KCNIP4: variants seen among roughly 807,000 people sequenced by gnomAD.
The protein encoded by KCNIP4 is potassium voltage-gated channel interacting protein 4.
A neutral mutation model predicts 34.0 loss-of-function variants in KCNIP4; 12 were observed. The ratio of observed to expected loss-of-function variants is 0.35; its 90% CI spans 0.23 to 0.57. KCNIP4 has a LOEUF of 0.57. Among genes scored for constraint, KCNIP4 ranks in the 20% least tolerant of loss-of-function variants. The pLI is 0.83. For missense variants in KCNIP4, 238 were observed against 311.7 expected (o/e 0.76, Z 1.78); for synonymous variants, 124 against 102.2 (o/e 1.21, Z -1.29).
intron 3 of KCNIP4, among the ~76,000 whole-genome samples, chr4:20,849,136 T>C (rs1720728546): frequency 6.6e-6 from 1 of 152,182 alleles, no homozygotes; most frequent in South Asian, 2.1e-4. Context: ...ATTGTCTTGA[T>C]ATATTACCTA....
At chr4:21,732,448 C>T (rs751814415) in intron 1 of KCNIP4, among the ~76,000 whole-genome samples, 7 of 152,130 alleles carry the variant, frequency 4.6e-5, no homozygotes, top group Non-Finnish European at 7.4e-5. Context: ...CTATTGTGTT[C>T]TTTCTGGCTA....
At chr4:21,794,864 G>A (rs1486713332) in intron 1 of KCNIP4, among the ~76,000 whole-genome samples, 1 of 152,106 alleles carries the variant, frequency 6.6e-6, no homozygotes, top group African/African-American at 2.4e-5. Flanking sequence ...GGGCAACAGA[G>A]GGAGACTGTC....
intron 1 of KCNIP4, among the ~76,000 whole-genome samples, chr4:21,133,352 A>G (rs536309414): frequency 6.6e-6 from 1 of 152,342 alleles, no homozygotes; most frequent in South Asian, 2.1e-4. Context: ...ATGTGCCAAG[A>G]ACTTAAAAGG....
At chr4:20,763,264 G>C (rs541493799) in intron 3 of KCNIP4, among the ~76,000 whole-genome samples, 13 of 152,112 alleles carry the variant, frequency 8.5e-5, no homozygotes, top group Non-Finnish European at 1.9e-4. Context: ...ACAGTATTTT[G>C]CTTTTTTGGA....
intron 1 of KCNIP4, among the ~76,000 whole-genome samples, chr4:21,784,422 GA>G (rs34837235): frequency 0.13 from 18,835 of 148,702 alleles, 3,513 homozygotes; most frequent in African/African-American, 0.41. Flanking sequence ...CTTAACACTA[GA>G]AAAAAAAACA....
chr4:21,598,447 C>T (rs1029387811), intron 1 of KCNIP4, among the ~76,000 whole-genome samples: 4 of 152,022 alleles, frequency 2.6e-5, no homozygotes, highest in Admixed American at 2.6e-4. Flanking sequence ...TAGTACAAAA[C>T]TAGCTATAGG....
At chr4:21,478,632 C>G (rs1241586593) in intron 1 of KCNIP4, among the ~76,000 whole-genome samples, 2 of 152,168 alleles carry the variant, frequency 1.3e-5, no homozygotes, top group Non-Finnish European at 2.9e-5. Context: ...GACCTTGATT[C>G]AGTGATTGAC....
chr4:21,228,400 A>T (rs1254662906), intron 1 of KCNIP4, among the ~76,000 whole-genome samples: 2 of 152,126 alleles, frequency 1.3e-5, no homozygotes, highest in East Asian at 3.9e-4. Flanking sequence ...CTTCCTGTTA[A>T]ACCTGCAGAA....
At chr4:21,306,720 A>G (rs928101615) in intron 1 of KCNIP4, among the ~76,000 whole-genome samples, 4 of 152,152 alleles carry the variant, frequency 2.6e-5, no homozygotes, top group African/African-American at 7.2e-5. Context: ...AACTCTGCAG[A>G]GCCCTTCAGC....
chr4:21,442,963 G>A (rs1194445720), intron 1 of KCNIP4, among the ~76,000 whole-genome samples: 1 of 152,120 alleles, frequency 6.6e-6, no homozygotes, highest in African/African-American at 2.4e-5. Context: ...TTCAATCTCA[G>A]TTAATGGCAA....
At chr4:21,044,227 CCAGTAGAT>C (rs1271547277) in intron 1 of KCNIP4, among the ~76,000 whole-genome samples, 1 of 152,094 alleles carries the variant, frequency 6.6e-6, no homozygotes, top group Admixed American at 6.6e-5. Flanking sequence ...TTTGAATTCT[CCAGTAGAT>C]TGTCCTATGG....
intron 1 of KCNIP4, among the ~76,000 whole-genome samples, chr4:21,211,604 C>G (rs1232606064): frequency 6.6e-6 from 1 of 152,032 alleles, no homozygotes; most frequent in Admixed American, 6.6e-5. Context: ...CCGATTGGTC[C>G]CTGCTGCCAA....
At chr4:21,928,829 T>C (rs573497953) in intron 1 of KCNIP4, among the ~76,000 whole-genome samples, 2 of 151,978 alleles carry the variant, frequency 1.3e-5, no homozygotes, top group South Asian at 4.2e-4. Flanking sequence ...TTCCCTAATG[T>C]CCCCAAGAAG....
intron 1 of KCNIP4, among the ~76,000 whole-genome samples, chr4:21,523,925 A>G (rs957910865): frequency 6.6e-6 from 1 of 152,006 alleles, no homozygotes; most frequent in Admixed American, 6.6e-5. Context: ...TCTTTTAATG[A>G]TATATTGGAT....
At chr4:21,441,210 C>T (rs984527485) in intron 1 of KCNIP4, among the ~76,000 whole-genome samples, 67 of 150,252 alleles carry the variant, frequency 4.5e-4, no homozygotes, top group African/African-American at 1.6e-3. Flanking sequence ...GGCGTGATCT[C>T]GGCTCACTGC....
intron 3 of KCNIP4, among the ~76,000 whole-genome samples, chr4:20,844,588 T>G (rs188092435): frequency 6.6e-6 from 1 of 152,326 alleles, no homozygotes; most frequent in African/African-American, 2.4e-5. Context: ...GCAATTGCCT[T>G]ATGCAATTAG....
chr4:21,220,889 AG>A (rs1205825635), intron 1 of KCNIP4, among the ~76,000 whole-genome samples: 1 of 152,204 alleles, frequency 6.6e-6, no homozygotes, highest in Non-Finnish European at 1.5e-5. Context: ...ATTAAAAAAA[AG>A]TCCTAATGGA....
intron 1 of KCNIP4, among the ~76,000 whole-genome samples, chr4:21,041,268 A>ACG (rs1741941111): frequency 6.6e-6 from 1 of 151,540 alleles, no homozygotes; most frequent in African/African-American, 2.4e-5. Context: ...ACACACACGC[A>ACG]CATGAAAATA....
chr4:21,009,666 A>G (rs1324664845), intron 1 of KCNIP4, among the ~76,000 whole-genome samples: 1 of 152,168 alleles, frequency 6.6e-6, no homozygotes, highest in Non-Finnish European at 1.5e-5. Context: ...TTACAGCTTC[A>G]TTCTCAAAAG....
Sources: allele counts gnomAD v4.1 joint callset (sites outside exome capture counted in the v4.1 genomes callset), GRCh38; gene constraint gnomAD v4.1.1; transcripts MANE v1.5; gene names NCBI Gene and HGNC (gene_info 2026-07-23, HGNC 2026-07-21).